The following FILIP1 variants were observed in gnomAD, a reference collection of about 807,000 sequenced individuals.
FILIP1 encodes the protein filamin-A-interacting protein 1.
In FILIP1, 61 loss-of-function variants were observed where a neutral mutation model predicts 102.1. The ratio of observed to expected loss-of-function variants is 0.60; its 90% CI spans 0.49 to 0.74. The LOEUF (loss-of-function observed/expected upper bound fraction) is 0.74. Among genes scored for constraint, FILIP1 ranks in the 30% least tolerant of loss-of-function variants. The probability of loss-of-function intolerance (pLI) is 0.00; values close to 1 mark genes in which losing one functional copy is unlikely to be tolerated. For synonymous variants in FILIP1, 491 were observed against 526.9 expected, an observed-to-expected ratio of 0.93 and a Z score of 0.93; for missense variants, 1,314 against 1,441.2, an observed-to-expected ratio of 0.91 and a Z score of 1.43.
Position 75,308,349 on chromosome 6 carries a change from TG to T in FILIP1, c.*341del. The T allele has an allele frequency of 9.8e-7, 1 of 1,023,898 alleles. No individual in the cohort carries two copies. Among genetic ancestry groups the T allele is most frequent in the Non-Finnish European group, 1.2e-6 (1 of 852,406 alleles). The allele number at this position is 1,023,898 out of a possible 1,614,324, so 63.4% of individuals were successfully genotyped here. A position where few individuals can be genotyped will look rare whatever the true frequency, so the allele number is the denominator to read the frequency against. Reference sequence around the variant, plus strand: ...AAATTTGGCTTGCAATTAGGAAATATGGGAGCCGGACTTGAAGAGCGTGTGA... The same window carrying T: ...AAATTTGGCTTGCAATTAGGAAATATGGAGCCGGACTTGAAGAGCGTGTGA... On this transcript the variant is annotated 3_prime_UTR_variant, in exon 6 of 6. Transcript: ENST00000237172.
At chr6:75,376,222 T>C (rs1775746211) in intron 2 of FILIP1, among the ~76,000 whole-genome samples, 1 of 152,164 alleles carries the variant, frequency 6.6e-6, no homozygotes. Context: ...TTTTTGCTTA[T>C]TTTTACTCCT....
intron 4 of FILIP1, among the ~76,000 whole-genome samples, chr6:75,353,097 C>G (rs1344561673): frequency 4.0e-5 from 6 of 151,324 alleles, no homozygotes; most frequent in African/African-American, 1.5e-4. Flanking sequence ...AGGAGATATA[C>G]CTAATGTAAA....
At chr6:75,293,603 C>A (rs2149529127) in exon 7 of FILIP1, 1 of 152,152 alleles carries the variant, frequency 6.6e-6, no homozygotes, top group South Asian at 2.1e-4. Context: ...TTGTAAGTTC[C>A]AAATTCATTA....
At chr6:75,454,539 ATCT>A (rs1295013505) in intron 1 of FILIP1, among the ~76,000 whole-genome samples, 1 of 152,210 alleles carries the variant, frequency 6.6e-6, no homozygotes, top group Non-Finnish European at 1.5e-5. Flanking sequence ...AGGTGTGGAC[ATCT>A]TCAGGGGGGC....
intron 4 of FILIP1, among the ~76,000 whole-genome samples, chr6:75,339,813 T>A (rs1445353787): frequency 6.6e-6 from 1 of 152,040 alleles, no homozygotes; most frequent in Non-Finnish European, 1.5e-5. Context: ...CCAGGCACGG[T>A]GGTGGGCACC....
At chr6:75,372,118 T>C (rs1441801772) in intron 2 of FILIP1, among the ~76,000 whole-genome samples, 1 of 152,170 alleles carries the variant, frequency 6.6e-6, no homozygotes, top group Non-Finnish European at 1.5e-5. Context: ...ATCCCGGCAC[T>C]TGGGGAGGCC....
chr6:75,361,021 T>C (rs1775156996), intron 3 of FILIP1: 1 of 152,254 alleles, frequency 6.6e-6, no homozygotes, highest in African/African-American at 2.4e-5. Flanking sequence ...TCTCACAAAA[T>C]GGACTTCATT....
chr6:75,325,697 T>C (rs1773823449), intron 4 of FILIP1, among the ~76,000 whole-genome samples: 1 of 150,954 alleles, frequency 6.6e-6, no homozygotes, highest in Admixed American at 6.6e-5. Context: ...TGAGATACCA[T>C]CTTGCTCCTG....
At chr6:75,479,761 C>T (rs1779595806) in intron 1 of FILIP1, among the ~76,000 whole-genome samples, 2 of 148,678 alleles carry the variant, frequency 1.3e-5, no homozygotes, top group Admixed American at 1.4e-4. Context: ...CCCAGCTCCT[C>T]GCGAGGCTGA....
chr6:75,383,142 C>CA (rs1775958251), intron 2 of FILIP1, among the ~76,000 whole-genome samples: 1 of 152,068 alleles, frequency 6.6e-6, no homozygotes, highest in African/African-American at 2.4e-5. Flanking sequence ...CTGTAGATGT[C>CA]ATAAGGCAGT....
At position 75,397,585 on chromosome 6, in the gene FILIP1, C is replaced by CATAT. The variant is rs143716551; in HGVS notation, c.276+17108_276+17111dup. Among the ~76,000 whole-genome samples the CATAT allele has an allele frequency of 7.5e-3, 226 of 29,998 alleles. 1 individual carries two copies. The highest frequency in any genetic ancestry group is 0.013 in the African/African-American group (210 of 16,488). 19.7% of individuals were successfully genotyped at this position (29,998 alleles called of 152,430 possible). ...ACACACACACACACACACACGTATA[C>CATAT]ATATATATATATATATATAATTCCA... is the stretch of plus-strand genomic sequence containing the variant. On this transcript the variant is annotated intron_variant, in intron 2 of 5. Coordinates refer to ENST00000237172, the MANE Select transcript of FILIP1 (RefSeq NM_015687.5).
intron 4 of FILIP1, among the ~76,000 whole-genome samples, chr6:75,348,800 A>C (rs761289123): frequency 1.3e-5 from 2 of 152,216 alleles, no homozygotes; most frequent in Non-Finnish European, 2.9e-5. Context: ...CTTCAAAACA[A>C]GTCCCAGGCT....
chr6:75,399,054 C>G (rs1479571181), intron 2 of FILIP1: 4 of 152,198 alleles, frequency 2.6e-5, no homozygotes, highest in Non-Finnish European at 2.9e-5. Flanking sequence ...AATGGCTCCT[C>G]AAAGTATAGA....
At chr6:75,462,396 G>A (rs1779049421) in intron 1 of FILIP1, among the ~76,000 whole-genome samples, 1 of 152,022 alleles carries the variant, frequency 6.6e-6, no homozygotes, top group Admixed American at 6.6e-5. Context: ...CTGCACAACT[G>A]GAATGGCAGG....
downstream of FILIP1, among the ~76,000 whole-genome samples, chr6:75,307,573 A>G (rs935992419): frequency 2.0e-5 from 3 of 152,212 alleles, no homozygotes; most frequent in Non-Finnish European, 4.4e-5. Flanking sequence ...TATGAAACAC[A>G]AAGTCCACCT....
At chr6:75,465,802 T>G (rs1446408896) in intron 1 of FILIP1, among the ~76,000 whole-genome samples, 2 of 152,106 alleles carry the variant, frequency 1.3e-5, no homozygotes, top group African/African-American at 4.8e-5. Flanking sequence ...AAAACTTAAA[T>G]CAGATCATGC....
At chr6:75,384,666 T>C (rs1455976342) in intron 2 of FILIP1, among the ~76,000 whole-genome samples, 2 of 152,162 alleles carry the variant, frequency 1.3e-5, no homozygotes, top group Admixed American at 1.3e-4. Flanking sequence ...GAGCATGAAA[T>C]AGCATTGGGA....
intron 1 of FILIP1, among the ~76,000 whole-genome samples, chr6:75,426,728 A>G (rs1000954748): frequency 6.7e-6 from 1 of 149,866 alleles, no homozygotes; most frequent in Non-Finnish European, 1.5e-5. Flanking sequence ...AGAAAGAACC[A>G]TGGGCACTAC....
intron 2 of FILIP1, chr6:75,399,420 T>G (rs577286011): frequency 6.6e-6 from 1 of 152,348 alleles, no homozygotes; most frequent in South Asian, 2.1e-4. Context: ...CAACTTGGAC[T>G]GCTAAGACAA....
Sources: allele counts gnomAD v4.1 joint callset (sites outside exome capture counted in the v4.1 genomes callset), GRCh38; gene constraint gnomAD v4.1.1; transcripts MANE v1.5; gene names NCBI Gene and HGNC (gene_info 2026-07-23, HGNC 2026-07-21).